Variants in ACTN1 observed in about 807,000 individuals in gnomAD.
ACTN1 encodes alpha-actinin-1.
In ACTN1, 30 loss-of-function variants were observed where a neutral mutation model predicts 119.6. The observed-to-expected ratio is 0.25, with a 90% confidence interval of 0.19 to 0.34. The LOEUF is 0.34. ACTN1 is among the 10% of genes least tolerant of loss of function. The pLI, the probability that ACTN1 is intolerant of heterozygous loss-of-function variation, is 1.00. For missense variants in ACTN1, 764 were observed against 1,223.4 expected (o/e 0.62, Z 5.60); for synonymous variants, 429 against 472.6 (o/e 0.91, Z 1.20).
At chr14:68,959,000 A>C (rs1417064893) in intron 1 of ACTN1, among the ~76,000 whole-genome samples, 1 of 152,206 alleles carries the variant, frequency 6.6e-6, no homozygotes, top group African/African-American at 2.4e-5. Flanking sequence ...CACCCAAAAC[A>C]AATATTCAGG....
Position 68,885,304 on chromosome 14 carries a change from TG to T in ACTN1, c.1385+120del. 1 of 1,309,018 alleles carries T rather than the reference TG, an allele frequency of 7.6e-7. No individual in the cohort carries two copies. Among genetic ancestry groups the T allele is most frequent in the Non-Finnish European group, 1.0e-6 (1 of 979,942 alleles). The allele number at this position is 1,309,018 out of a possible 1,614,324, so 81.1% of individuals were successfully genotyped here. ...CTCCTGCGTTGACTCCCTCCCCACC[TG>T]GGCACCCACCTGTACCCACCCTCCC... On this transcript the variant is annotated intron_variant, in intron 12 of 21. Coordinates refer to ENST00000394419, the MANE Select transcript of ACTN1 (RefSeq NM_001130004.2). The surrounding 1 kb of genome is among the most constrained non-coding windows in gnomAD (Gnocchi z 5.6).
intron 1 of ACTN1, among the ~76,000 whole-genome samples, chr14:68,969,532 C>G (rs2036812705): frequency 6.6e-6 from 1 of 152,202 alleles, no homozygotes; most frequent in Admixed American, 6.5e-5. Context: ...TAAAAGGGAG[C>G]CACTCCTCTG....
At chr14:68,956,531 C>T (rs764859317) in intron 1 of ACTN1, among the ~76,000 whole-genome samples, 3 of 152,146 alleles carry the variant, frequency 2.0e-5, no homozygotes, top group African/African-American at 7.2e-5. Context: ...CAGGAAGCTA[C>T]AGTTTTACAC....
intron 13 of ACTN1, 66 bp from the exon 14 acceptor site, chr14:68,884,374 A>T (rs1018258043): frequency 2.2e-5 from 34 of 1,543,704 alleles, no homozygotes; most frequent in Non-Finnish European, 2.8e-5. Context: ...ACTCCTATCA[A>T]GATCCTCCTG....
intron 8 of ACTN1, among the ~76,000 whole-genome samples, chr14:68,902,214 C>A (rs1292992031): frequency 1.3e-5 from 2 of 152,192 alleles, no homozygotes; most frequent in African/African-American, 4.8e-5. Flanking sequence ...GCCCTTCCTG[C>A]TTAAGCCAGT....
Position 68,875,408 on chromosome 14 carries a change from C to A in ACTN1, c.2587-391G>T, listed in dbSNP as rs573021494. 2.6e-5 allele frequency among the ~76,000 whole-genome samples: 4 copies of A among 152,360 alleles called. No individual in the cohort carries two copies. In the South Asian group the frequency reaches 8.3e-4, roughly 32 times the overall value. Reference sequence around the variant, plus strand: ...CCCCACACGCACTCAACTGAGCTCTCTGGACGCCTCGGACAGACAGTCTAA... The same window carrying A: ...CCCCACACGCACTCAACTGAGCTCTATGGACGCCTCGGACAGACAGTCTAA... On this transcript the variant is annotated intron_variant, in intron 21 of 21. Transcript: ENST00000394419.
At chr14:68,939,981 G>A (rs1210115965) in intron 1 of ACTN1, among the ~76,000 whole-genome samples, 1 of 152,202 alleles carries the variant, frequency 6.6e-6, no homozygotes, top group Non-Finnish European at 1.5e-5. Context: ...ACTGAACAGT[G>A]GCTGGTAAGC....
intron 1 of ACTN1, among the ~76,000 whole-genome samples, chr14:68,942,807 G>A (rs941025439): frequency 5.9e-5 from 9 of 152,194 alleles, no homozygotes; most frequent in African/African-American, 2.2e-4. Context: ...GCACTGGGAT[G>A]TATGGGAGAA....
intron 8 of ACTN1, among the ~76,000 whole-genome samples, chr14:68,899,326 C>T (rs937208184): frequency 6.7e-6 from 1 of 149,276 alleles, no homozygotes; most frequent in Non-Finnish European, 1.5e-5. Flanking sequence ...CCACAGCGCA[C>T]CTCACCCCTC....
At chr14:68,954,304 T>C (rs2036275198) in intron 1 of ACTN1, among the ~76,000 whole-genome samples, 1 of 151,768 alleles carries the variant, frequency 6.6e-6, no homozygotes, top group South Asian at 2.1e-4. Context: ...GTTTTGCTGT[T>C]ACACACAGAG....
intron 8 of ACTN1, among the ~76,000 whole-genome samples, chr14:68,901,528 G>A (rs1337728651): frequency 2.0e-5 from 3 of 152,140 alleles, no homozygotes; most frequent in Non-Finnish European, 2.9e-5. Flanking sequence ...GATTACAGGC[G>A]TGAGCCACCA....
intron 3 of ACTN1, among the ~76,000 whole-genome samples, chr14:68,916,290 G>A (rs769715248): frequency 2.6e-5 from 4 of 152,124 alleles, no homozygotes; most frequent in East Asian, 1.9e-4. Context: ...AGGGCCTCCC[G>A]CTGGCCCTGA....
chr14:68,959,619 A>G (rs911372998), intron 1 of ACTN1, among the ~76,000 whole-genome samples: 2 of 152,248 alleles, frequency 1.3e-5, no homozygotes, highest in Admixed American at 1.3e-4. Flanking sequence ...TAAGCAAGAC[A>G]TAGCAAATAC....
intron 1 of ACTN1, among the ~76,000 whole-genome samples, chr14:68,942,963 C>T (rs1247651000): frequency 1.3e-5 from 2 of 152,178 alleles, no homozygotes; most frequent in Non-Finnish European, 2.9e-5. Flanking sequence ...ACGGAGGAGC[C>T]TAACGACCTC....
intron 7 of ACTN1, among the ~76,000 whole-genome samples, chr14:68,903,197 T>C (rs748829726): frequency 2.3e-4 from 35 of 152,150 alleles, no homozygotes; most frequent in Non-Finnish European, 4.7e-4. Context: ...ATGATGGAAA[T>C]AGGAAAGGTC....
At chr14:68,923,022 A>C (rs1311360885) in intron 2 of ACTN1, among the ~76,000 whole-genome samples, 1 of 152,244 alleles carries the variant, frequency 6.6e-6, no homozygotes. Flanking sequence ...GATCTTTCCC[A>C]ACCCTGGCAA....
rs1468346946 is a variant in ACTN1, at chr14:68,874,261, C to A, written c.*598G>T. The A allele has an allele frequency of 6.6e-6, 1 of 152,226 alleles. No individual in the cohort carries two copies. Among genetic ancestry groups the A allele is most frequent in the Non-Finnish European group, 1.5e-5 (1 of 68,026 alleles). The allele number at this position is 152,226 out of a possible 1,614,324, so 9.4% of individuals were successfully genotyped here. On this transcript the variant is annotated 3_prime_UTR_variant, in exon 22 of 22. Coordinates refer to ENST00000394419, the MANE Select transcript of ACTN1 (RefSeq NM_001130004.2). The stretch of plus-strand genomic sequence containing the variant: ...TGTGCTGATAAAGAGACTAGTCACA[C>A]CTCTGAGGGGATTTAAAAATGAGAA...
intron 2 of ACTN1, among the ~76,000 whole-genome samples, chr14:68,921,524 A>T (rs1321217674): frequency 1.3e-5 from 2 of 152,158 alleles, no homozygotes; most frequent in Non-Finnish European, 2.9e-5. Flanking sequence ...AAATATATAC[A>T]ATGAACAAAT....
At chr14:68,898,957 C>CCA (rs923924770) in intron 8 of ACTN1, among the ~76,000 whole-genome samples, 23 of 149,624 alleles carry the variant, frequency 1.5e-4, no homozygotes, top group African/African-American at 2.9e-4. Context: ...CCCCTTCACT[C>CCA]CACACACACA....
Sources: allele counts gnomAD v4.1 joint callset (sites outside exome capture counted in the v4.1 genomes callset), GRCh38; gene constraint gnomAD v4.1.1; non-coding constraint Gnocchi (gnomAD v3.1); transcripts MANE v1.5; gene names NCBI Gene and HGNC (gene_info 2026-07-23, HGNC 2026-07-21).